TASOR: variants seen among roughly 807,000 people sequenced by gnomAD.
TASOR encodes the protein protein TASOR.
In TASOR, 53 loss-of-function variants were observed where a neutral mutation model predicts 178.6. That is an observed-to-expected ratio of 0.30 (90% CI 0.24 to 0.37). The LOEUF (loss-of-function observed/expected upper bound fraction) is 0.37. Among genes scored for constraint, TASOR ranks in the 10% least tolerant of loss-of-function variants. The pLI, the probability that TASOR is intolerant of heterozygous loss-of-function variation, is 1.00. For synonymous variants in TASOR, 713 were observed against 696.2 expected (o/e 1.02, Z -0.38); for missense variants, 1,815 against 1,971.4 (o/e 0.92, Z 1.50).
Position 56,621,561 on chromosome 3 carries a change from A to AAGT in TASOR, c.*1473_*1475dup. On this transcript the variant is annotated 3_prime_UTR_variant, in exon 24 of 24. Coordinates refer to ENST00000683822, the MANE Select transcript of TASOR (RefSeq NM_001365635.2). ...TTCTCCAGAAGCAAAAGGAGTTGGA[A>AAGT]AGTAGTCTCCTGCCTTTAGCTGAAA... The AAGT allele has an allele frequency of 6.2e-7, 1 of 1,600,982 alleles. No individual in the cohort carries two copies. Among genetic ancestry groups the AAGT allele is most frequent in the East Asian group, 2.2e-5 (1 of 44,586 alleles).
intron 17 of TASOR, among the ~76,000 whole-genome samples, chr3:56,635,457 T>C (rs1353129833): frequency 1.3e-5 from 2 of 150,662 alleles, no homozygotes; most frequent in East Asian, 2.0e-4. Flanking sequence ...ACACGAGAAA[T>C]TGGTAACCAT....
chr3:56,650,254 T>C (rs1471698759), intron 11 of TASOR, among the ~76,000 whole-genome samples: 2 of 152,178 alleles, frequency 1.3e-5, no homozygotes, highest in African/African-American at 2.4e-5. Flanking sequence ...TAAAAACTAA[T>C]AATTCAGAGG....
At position 56,623,550 on chromosome 3, in the gene TASOR, A is replaced by T. The variant is rs1296071900; in HGVS notation, c.4500T>A (p.Asp1500Glu). ...LESQSALLEN[D>E]EKDEEDMSLD... Reference sequence around the variant, plus strand: ...GAGACATATCCTCTTCATCCTTTTCATCGTTTTCTAAAAGAGCTACATTTA... The same window carrying T: ...GAGACATATCCTCTTCATCCTTTTCTTCGTTTTCTAAAAGAGCTACATTTA... Residue 1500 changes from aspartate (D) to glutamate (E), a missense_variant, in exon 24 of 24, where the codon GAT becomes GAA. Physicochemically the swap from Asp to Glu is conservative, Grantham distance 45 (BLOSUM62 2). Coordinates refer to ENST00000683822, the MANE Select transcript of TASOR (RefSeq NM_001365635.2). 1 of 1,572,162 alleles carries T rather than the reference A, an allele frequency of 6.4e-7. No individual in the cohort carries two copies. Among genetic ancestry groups the T allele is most frequent in the Non-Finnish European group, 8.6e-7 (1 of 1,167,678 alleles).
intron 4 of TASOR, 55 bp downstream of exon 4, chr3:56,670,018 T>C: frequency 7.5e-6 from 9 of 1,204,580 alleles, no homozygotes; most frequent in Non-Finnish European, 1.0e-5. Flanking sequence ...AGACAATGTA[T>C]TTTTAGACAG....
At chr3:56,636,179 G>A (rs949156113) in intron 17 of TASOR, among the ~76,000 whole-genome samples, 42 of 151,402 alleles carry the variant, frequency 2.8e-4, no homozygotes, top group African/African-American at 9.5e-4. Context: ...GCGTGGTGGC[G>A]AGCACCTGTA....
chr3:56,646,640 T>A lies in TASOR; in HGVS notation c.2097A>T (p.Ser699=), dbSNP rs751518317. ...QCRKKSVGGD[S]DTEDMRSKTV... is the part of the protein sequence containing the mutation. ...TTTTGCTTCTCATATCTTCTGTGTCTGAGTCCCCACCCACACTCTTTTTCC... is the reference window on the plus strand; with the variant it reads ...TTTTGCTTCTCATATCTTCTGTGTCAGAGTCCCCACCCACACTCTTTTTCC... The change falls in exon 14 of 24, where the codon TCA becomes TCT. Residue 699 remains serine, a synonymous_variant. Coordinates refer to ENST00000683822, the MANE Select transcript of TASOR (RefSeq NM_001365635.2). 3.1e-6 allele frequency: 5 copies of A among 1,613,688 alleles called. No individual in the cohort carries two copies. Among genetic ancestry groups the A allele is most frequent in the Non-Finnish European group, 4.2e-6 (5 of 1,180,002 alleles).
intron 6 of TASOR, among the ~76,000 whole-genome samples, chr3:56,667,675 T>C (rs1559848986): frequency 6.6e-6 from 1 of 151,932 alleles, no homozygotes; most frequent in Non-Finnish European, 1.5e-5. Context: ...AAAATACTAA[T>C]AATTAAAAAA....
intron 18 of TASOR, among the ~76,000 whole-genome samples, chr3:56,630,589 A>C (rs1258701151): frequency 6.6e-6 from 1 of 152,180 alleles, no homozygotes; most frequent in Admixed American, 6.5e-5. Flanking sequence ...CACGCCTGTA[A>C]TCCCAGTACT....
intron 17 of TASOR, among the ~76,000 whole-genome samples, chr3:56,637,164 T>C (rs1379896423): frequency 6.6e-6 from 1 of 151,932 alleles, no homozygotes; most frequent in Non-Finnish European, 1.5e-5. Flanking sequence ...ACAAGGAGAG[T>C]ACTAACTAGG....
chr3:56,662,986 C>A (rs1424083058), intron 8 of TASOR, among the ~76,000 whole-genome samples: 1 of 152,106 alleles, frequency 6.6e-6, no homozygotes, highest in Non-Finnish European at 1.5e-5. Context: ...CGAGACCAGC[C>A]TGGCCAACTT....
intron 7 of TASOR, among the ~76,000 whole-genome samples, chr3:56,665,824 T>C (rs1431082758): frequency 1.3e-5 from 2 of 151,922 alleles, no homozygotes; most frequent in African/African-American, 4.8e-5. Context: ...ACAAAAAAAT[T>C]AGCCAGGCAT....
intron 5 of TASOR, among the ~76,000 whole-genome samples, chr3:56,669,213 T>C (rs1187183667): frequency 6.6e-6 from 1 of 152,110 alleles, no homozygotes; most frequent in Non-Finnish European, 1.5e-5. Context: ...AGCTCAAAGA[T>C]GGCAAATAGG....
At chr3:56,639,942 T>C in intron 16 of TASOR, 44 bp downstream of exon 16, 1 of 1,555,110 alleles carries the variant, frequency 6.4e-7, no homozygotes, top group Non-Finnish European at 8.7e-7. Context: ...AACTGGTCTC[T>C]AAGTAAAATG....
intron 2 of TASOR, 44 bp from the exon 3 acceptor site, chr3:56,671,736 T>C (rs1356268870): frequency 7.1e-7 from 1 of 1,403,714 alleles, no homozygotes; most frequent in Admixed American, 2.4e-5. Context: ...CATGTGATTA[T>C]GTTTTTCAAG....
chr3:56,622,240 G>A lies in TASOR; in HGVS notation c.*797C>T, dbSNP rs1044460934. Reference sequence around the variant, plus strand: ...TACGGGTTTGAAAGCTATCTCCACTGTATCTGTCTAGTATAGCATTAATGT... The same window carrying A: ...TACGGGTTTGAAAGCTATCTCCACTATATCTGTCTAGTATAGCATTAATGT... On this transcript the variant is annotated 3_prime_UTR_variant, in exon 24 of 24. Coordinates refer to ENST00000683822, the MANE Select transcript of TASOR (RefSeq NM_001365635.2). 1 of 152,124 alleles carries A rather than the reference G, an allele frequency of 6.6e-6. No homozygotes were observed. Among genetic ancestry groups the A allele is most frequent in the Non-Finnish European group, 1.5e-5 (1 of 68,022 alleles). 9.4% of individuals were successfully genotyped at this position (152,124 alleles called of 1,614,324 possible).
At chr3:56,625,358 A>G (rs1037986121) in intron 21 of TASOR, among the ~76,000 whole-genome samples, 13 of 152,226 alleles carry the variant, frequency 8.5e-5, no homozygotes, top group African/African-American at 3.1e-4. Context: ...CAAAAAACAC[A>G]ATATATGGAC....
Position 56,641,574 on chromosome 3 carries a change from T to C in TASOR, c.2394A>G (p.Gly798=), listed in dbSNP as rs528235684. The C allele has an allele frequency of 6.2e-7, 1 of 1,614,198 alleles. No individual in the cohort carries two copies. Among genetic ancestry groups the C allele is most frequent in the Admixed American group, 1.7e-5 (1 of 60,022 alleles). Reference sequence around the variant, plus strand: ...CTTCATAGGCATCATCAGTGCTCAATCCTAAGGCTTTGTTGACTGTGTCTG... The same window carrying C: ...CTTCATAGGCATCATCAGTGCTCAACCCTAAGGCTTTGTTGACTGTGTCTG... ...SLTDTVNKAL[G]LSTDDAYEEL... is the part of the protein sequence containing the mutation. Residue 798 remains glycine (G), a synonymous_variant, in exon 15 of 24, where the codon GGA becomes GGG. Transcript: ENST00000683822.
At chr3:56,666,984 CAAAGTAGT>C (rs2030078914) in intron 6 of TASOR, among the ~76,000 whole-genome samples, 4 of 152,176 alleles carry the variant, frequency 2.6e-5, no homozygotes, top group Admixed American at 2.6e-4. Flanking sequence ...AGTTTATGAA[CAAAGTAGT>C]ACAGTTCTTC....
chr3:56,638,477 G>A (rs1393267308), intron 17 of TASOR, among the ~76,000 whole-genome samples: 1 of 152,010 alleles, frequency 6.6e-6, no homozygotes, highest in Admixed American at 6.6e-5. Context: ...CTCTACTATG[G>A]GTGAAGAAAA....
Sources: gnomAD v4.1 joint callset for allele counts (sites outside exome capture counted in the v4.1 genomes callset) on GRCh38, gnomAD v4.1.1 for gene constraint, MANE v1.5 for transcripts, NCBI Gene and HGNC (gene_info 2026-07-23, HGNC 2026-07-21) for gene names.